Variants in CREB3L3 observed in about 807,000 individuals in gnomAD.
CREB3L3 encodes cyclic AMP-responsive element-binding protein 3-like protein 3.
Under a neutral mutation model 44.6 loss-of-function variants are expected in CREB3L3, and 40 were observed. The ratio of observed to expected loss-of-function variants is 0.90; its 90% CI spans 0.70 to 1.17. The LOEUF (loss-of-function observed/expected upper bound fraction) is 1.17, where lower values mean the gene tolerates loss of function less well. Ranked by LOEUF, CREB3L3 falls within the 50% of genes most tolerant of loss-of-function variation. The pLI is 0.00. For missense variants in CREB3L3, 578 were observed against 595.8 expected, an observed-to-expected ratio of 0.97 and a Z score of 0.31; for synonymous variants, 273 against 256.3, an observed-to-expected ratio of 1.06 and a Z score of -0.62.
rs780009776 is a variant in CREB3L3, at chr19:4,171,166, C to T, written c.966C>T (p.Thr322=). Reference sequence around the variant, plus strand: ...CCAGCAAGTCAGCCCAGACAGGCACCTGTGTCGCAGTGAGTCCTGGTGCCC... The same window carrying T: ...CCAGCAAGTCAGCCCAGACAGGCACTTGTGTCGCAGTGAGTCCTGGTGCCC... ...QSTSKSAQTG[T]CVAVLLLSFA... Residue 322 remains threonine (T), a synonymous_variant, in exon 8 of 10, where the codon ACC becomes ACT. Transcript: ENST00000078445. This position sits in a 1 kb window ranked among gnomAD's most constrained non-coding sequence, Gnocchi z 4.9. The T allele has an allele frequency of 2.5e-6, 4 of 1,613,970 alleles. No homozygotes were observed. The highest frequency in any genetic ancestry group is 2.2e-5 in the East Asian group (1 of 44,880).
intron 5 of CREB3L3, 39 bp from the exon 6 acceptor site, chr19:4,168,311 CT>C: frequency 1.3e-6 from 2 of 1,552,206 alleles, no homozygotes; most frequent in Non-Finnish European, 1.8e-6. Context: ...CAAGTGGGGA[CT>C]TTCTGGCCTG....
chr19:4,157,436 C>T (rs2041600388), intron 3 of CREB3L3, 141 bp downstream of exon 3: 3 of 896,228 alleles, frequency 3.3e-6, no homozygotes, highest in African/African-American at 3.3e-5. Flanking sequence ...GACTCAAACT[C>T]AGGACACGTG....
At chr19:4,158,659 G>T (rs186336427) in intron 3 of CREB3L3, among the ~76,000 whole-genome samples, 1 of 152,032 alleles carries the variant, frequency 6.6e-6, no homozygotes, top group Admixed American at 6.6e-5. Context: ...AAATTAGCTG[G>T]GTGTGGTGGC....
rs1249286866 is a variant in CREB3L3, at chr19:4,171,313, C to T, written c.976-70C>T. The T allele has an allele frequency of 6.6e-7, 1 of 1,523,674 alleles. No homozygotes were observed. Among genetic ancestry groups the T allele is most frequent in the Non-Finnish European group, 9.1e-7 (1 of 1,101,404 alleles). 94.4% of individuals were successfully genotyped at this position (1,523,674 alleles called of 1,614,324 possible). A position where few individuals can be genotyped will look rare whatever the true frequency, so the allele number is the denominator to read the frequency against. ...GTCTGGTCTTTGGGGCCTCAGTTTC[C>T]CTGCCTGTGGGATGGAGATGCTTGC... On this transcript the variant is annotated intron_variant, in intron 8 of 9. Transcript: ENST00000078445. This position sits in a 1 kb window ranked among gnomAD's most constrained non-coding sequence, Gnocchi z 4.9.
chr19:4,163,222 G>A (rs1439521941), intron 4 of CREB3L3, among the ~76,000 whole-genome samples: 1 of 151,536 alleles, frequency 6.6e-6, no homozygotes, highest in Non-Finnish European at 1.5e-5. Flanking sequence ...GCAGGAGAAT[G>A]GCGTGAACCC....
chr19:4,172,113 A>G lies in CREB3L3; in HGVS notation c.*144A>G. On this transcript the variant is annotated 3_prime_UTR_variant, in exon 10 of 10. Transcript: ENST00000078445. ...AATGGGGGAGGCACAGCTCATAGCC[A>G]CACACCCAGGGCCTGACTGAGGCCC... The G allele has an allele frequency of 1.1e-6, 1 of 907,628 alleles. No individual in the cohort carries two copies. The highest frequency in any genetic ancestry group is 1.6e-6 in the Non-Finnish European group (1 of 616,748). The allele number at this position is 907,628 out of a possible 1,614,324, so 56.2% of individuals were successfully genotyped here.
Position 4,172,119 on chromosome 19 carries a change from C to T in CREB3L3, c.*150C>T. 3.5e-6 allele frequency: 3 copies of T among 868,586 alleles called. No homozygotes were observed. Among genetic ancestry groups the T allele is most frequent in the Non-Finnish European group, 5.2e-6 (3 of 581,876 alleles). 53.8% of individuals were successfully genotyped at this position (868,586 alleles called of 1,614,324 possible). A position where few individuals can be genotyped will look rare whatever the true frequency, so the allele number is the denominator to read the frequency against. On this transcript the variant is annotated 3_prime_UTR_variant, in exon 10 of 10. Coordinates refer to ENST00000078445, the MANE Select transcript of CREB3L3 (RefSeq NM_032607.3). Reference sequence around the variant, plus strand: ...GGAGGCACAGCTCATAGCCACACACCCAGGGCCTGACTGAGGCCCACGCAG... The same window carrying T: ...GGAGGCACAGCTCATAGCCACACACTCAGGGCCTGACTGAGGCCCACGCAG...
chr19:4,163,281 C>A (rs1049486910), intron 4 of CREB3L3, among the ~76,000 whole-genome samples: 1 of 139,906 alleles, frequency 7.1e-6, no homozygotes, highest in Non-Finnish European at 1.6e-5. Context: ...GCACTCCAGC[C>A]TGGGCGACAG....
At chr19:4,166,611 GTC>G (rs1966912575) in intron 5 of CREB3L3, among the ~76,000 whole-genome samples, 1 of 150,990 alleles carries the variant, frequency 6.6e-6, no homozygotes, top group Admixed American at 6.6e-5. Flanking sequence ...GCCCAGGCTG[GTC>G]TCAAACTCCT....
intron 3 of CREB3L3, among the ~76,000 whole-genome samples, chr19:4,159,072 C>A (rs1333099666): frequency 6.6e-6 from 1 of 152,060 alleles, no homozygotes; most frequent in Admixed American, 6.6e-5. Context: ...TTGAATCAGC[C>A]GGTGTCTCCT....
rs768375460 is a variant in CREB3L3, at chr19:4,155,007, T to C, written c.136T>C (p.Trp46Arg). 3 of 1,609,600 alleles carry C rather than the reference T, an allele frequency of 1.9e-6. No homozygotes were observed. The highest frequency in any genetic ancestry group is 4.5e-5 in the East Asian group (2 of 44,880). The change falls in exon 2 of 10, where the codon TGG (tryptophan) becomes CGG (arginine). Residue 46 changes from tryptophan to arginine, a missense_variant. Transcript: ENST00000078445. ...ILRHVELGEG[W>R]GHVKDQQVLP... ...GAGACACGTGGAGCTGGGCGAGGGC[T>C]GGGGTCACGTCAAGGACCAGGTGAG...
Position 4,157,033 on chromosome 19 carries a change from C to A in CREB3L3, c.195C>A (p.Ser65Arg), listed in dbSNP as rs374339317. Residue 65 changes from serine (S) to arginine (R), a missense_variant, in exon 3 of 10, where the codon AGC (serine) becomes AGA (arginine). By Grantham distance (110) the Ser-to-Arg change is moderately radical. Transcript: ENST00000078445. The stretch of plus-strand genomic sequence containing the variant: ...ACCCCGACTCTGACGACTTCCTCAG[C>A]TCCATCCTGGGCTCTGGAGACTCAC... ...LPNPDSDDFLSSILGSGDSLP... is the reference protein window; with the variant it reads ...LPNPDSDDFLRSILGSGDSLP... 1.7e-5 allele frequency: 28 copies of A among 1,614,100 alleles called. No homozygotes were observed. The highest frequency in any genetic ancestry group is 2.1e-5 in the Non-Finnish European group (25 of 1,180,022).
At position 4,171,053 on chromosome 19, in the gene CREB3L3, C is replaced by T; in HGVS notation, c.891-38C>T. The T allele has an allele frequency of 6.5e-7, 1 of 1,541,910 alleles. No homozygotes were observed. The highest frequency in any genetic ancestry group is 2.2e-5 in the East Asian group (1 of 44,514). ...AATGGACGAGAAGCAGAACCGAGGC[C>T]CTTTAGGGCTCAGCGGAGGCCTGCC... On this transcript the variant is annotated intron_variant, in intron 7 of 9. Transcript: ENST00000078445. This position sits in a 1 kb window ranked among gnomAD's most constrained non-coding sequence, Gnocchi z 4.9.
At chr19:4,158,943 G>A (rs1310953165) in intron 3 of CREB3L3, among the ~76,000 whole-genome samples, 4 of 152,154 alleles carry the variant, frequency 2.6e-5, no homozygotes, top group Non-Finnish European at 5.9e-5. Context: ...ACTGCATGCC[G>A]GCTACCAGGA....
chr19:4,154,132 C>T (rs2041543270), intron 1 of CREB3L3, among the ~76,000 whole-genome samples: 1 of 152,046 alleles, frequency 6.6e-6, no homozygotes, highest in Non-Finnish European at 1.5e-5. Context: ...AGTGCAATGG[C>T]ACGATCTCAG....
rs1031056807 is a variant in CREB3L3 at position 4,157,104 on chromosome 19, T to C, written c.266T>C (p.Ile89Thr). Residue 89 changes from isoleucine (I) to threonine (T), a missense_variant, in exon 3 of 10, where the codon ATC becomes ACC. Coordinates refer to ENST00000078445, the MANE Select transcript of CREB3L3 (RefSeq NM_032607.3). Reference protein sequence around the residue: ...LWSPEGSDSGISEDLPSDPQD... With the variant: ...LWSPEGSDSGTSEDLPSDPQD... ...TCCCCCGAAGGCAGTGATAGTGGCA[T>C]CTCCGAAGACCTCCCCTCCGACCCC... The C allele has an allele frequency of 3.1e-6, 5 of 1,613,736 alleles. No individual in the cohort carries two copies. Among genetic ancestry groups the C allele is most frequent in the Non-Finnish European group, 4.2e-6 (5 of 1,179,980 alleles).
At chr19:4,160,543 T>C (rs1568280280) in intron 4 of CREB3L3, among the ~76,000 whole-genome samples, 1 of 144,904 alleles carries the variant, frequency 6.9e-6, no homozygotes, top group African/African-American at 2.6e-5. Flanking sequence ...AGCTAATTTT[T>C]CTTGTCTTTT....
At chr19:4,169,500 A>C (rs903927781) in intron 6 of CREB3L3, among the ~76,000 whole-genome samples, 7 of 151,858 alleles carry the variant, frequency 4.6e-5, no homozygotes, top group African/African-American at 1.7e-4. Context: ...CAAACAAAAA[A>C]AGAAACTTGA....
chr19:4,164,426 G>C, intron 4 of CREB3L3, 77 bp from the exon 5 acceptor site: 1 of 1,584,990 alleles, frequency 6.3e-7, no homozygotes, highest in Non-Finnish European at 8.6e-7. Flanking sequence ...TAGTGTTTTC[G>C]ATCTGATACC....
Sources: allele counts gnomAD v4.1 joint callset (sites outside exome capture counted in the v4.1 genomes callset), GRCh38; gene constraint gnomAD v4.1.1; non-coding constraint Gnocchi (gnomAD v3.1); transcripts MANE v1.5; gene names NCBI Gene and HGNC (gene_info 2026-07-23, HGNC 2026-07-21).